Variants in RORB observed in about 807,000 individuals in gnomAD.
RORB encodes the protein RAR related orphan receptor B, also known as nuclear receptor ROR-beta.
RORB carries 6 observed loss-of-function variants against 59.1 expected under a neutral mutation model. That is an observed-to-expected ratio of 0.10 (90% CI 0.06 to 0.20). The LOEUF (loss-of-function observed/expected upper bound fraction) is 0.20, where lower values mean the gene tolerates loss of function less well. Among genes scored for constraint, RORB ranks in the 10% least tolerant of loss-of-function variants. The pLI, the probability that RORB is intolerant of heterozygous loss-of-function variation, is 1.00. For missense variants in RORB, 320 were observed against 560.5 expected (o/e 0.57, Z 4.33); for synonymous variants, 215 against 204.5 (o/e 1.05, Z -0.44).
In RORB at chr9:74,692,423, A is replaced by G. The variant is rs1398704863; in HGVS notation, c.*6805A>G. On this transcript the variant is annotated 3_prime_UTR_variant, in exon 10 of 10. Coordinates refer to ENST00000376896, the MANE Select transcript of RORB (RefSeq NM_006914.4). Reference sequence around the variant, plus strand: ...TAGGATTGAGAGAAATGATTTTCATATACTTCCAACATTCAGAGATTTAAT... The same window carrying G: ...TAGGATTGAGAGAAATGATTTTCATGTACTTCCAACATTCAGAGATTTAAT... 1 of 152,228 alleles carries G rather than the reference A, an allele frequency of 6.6e-6. No homozygotes were observed. Among genetic ancestry groups the G allele is most frequent in the Non-Finnish European group, 1.5e-5 (1 of 68,044 alleles). The allele number at this position is 152,228 out of a possible 1,614,324, so 9.4% of individuals were successfully genotyped here. A position where few individuals can be genotyped will look rare whatever the true frequency, so the allele number is the denominator to read the frequency against.
chr9:74,630,156 C>T (rs1380888156), intron 1 of RORB, 126 bp from the exon 2 acceptor site: 1 of 1,269,094 alleles, frequency 7.9e-7, no homozygotes, highest in East Asian at 2.6e-5. Flanking sequence ...ACTCCCACAC[C>T]ACCGCTCACA....
chr9:74,617,648 G>T lies in RORB; in HGVS notation c.8-12634G>T, dbSNP rs573490708. On this transcript the variant is annotated intron_variant, in intron 1 of 9. Transcript: ENST00000376896. The stretch of plus-strand genomic sequence containing the variant: ...GCTATTCACTAATTCTACATTTGTT[G>T]GGTGACTAAGCCTCCACCTCAGTCC... Among the ~76,000 whole-genome samples the T allele has an allele frequency of 4.5e-4, 69 of 152,256 alleles. 1 individual carries two copies. The highest frequency in any genetic ancestry group is 3.5e-3 in the South Asian group (17 of 4,820).
chr9:74,528,717 T>C (rs2118090546), intron 1 of RORB, among the ~76,000 whole-genome samples: 1 of 152,162 alleles, frequency 6.6e-6, no homozygotes, highest in South Asian at 2.1e-4. Context: ...GCACTAGCTT[T>C]TATTGAAGAG....
intron 1 of RORB, among the ~76,000 whole-genome samples, chr9:74,589,952 T>C (rs1022055672): frequency 2.6e-5 from 4 of 152,258 alleles, no homozygotes; most frequent in Non-Finnish European, 5.9e-5. Flanking sequence ...GGTGTCAGAC[T>C]ACTTAAAATC....
chr9:74,672,122 C>A (rs1281080030), intron 9 of RORB, among the ~76,000 whole-genome samples: 1 of 152,166 alleles, frequency 6.6e-6, no homozygotes, highest in African/African-American at 2.4e-5. Context: ...AGATCTGAAT[C>A]CAAGCTTCAG....
intron 1 of RORB, among the ~76,000 whole-genome samples, chr9:74,620,691 A>G (rs1823400075): frequency 6.6e-6 from 1 of 152,218 alleles, no homozygotes; most frequent in South Asian, 2.1e-4. Context: ...TTAGTGCTAT[A>G]AATTTCCCTC....
intron 1 of RORB, among the ~76,000 whole-genome samples, chr9:74,535,742 GA>G (rs1826313135): frequency 6.6e-6 from 1 of 151,834 alleles, no homozygotes; most frequent in Admixed American, 6.6e-5. Context: ...TCCAAATTCA[GA>G]AAAAAATTGG....
intron 9 of RORB, among the ~76,000 whole-genome samples, chr9:74,673,654 A>C (rs1824385985): frequency 6.6e-6 from 1 of 152,214 alleles, no homozygotes; most frequent in Non-Finnish European, 1.5e-5. Flanking sequence ...AGATATTTGA[A>C]GGCAAGAAAG....
intron 2 of RORB, among the ~76,000 whole-genome samples, chr9:74,630,979 A>T (rs1386006148): frequency 6.6e-6 from 1 of 152,150 alleles, no homozygotes; most frequent in East Asian, 1.9e-4. Context: ...ATGTCATCTG[A>T]TCAACATCAT....
At chr9:74,587,225 A>T (rs901022490) in intron 1 of RORB, among the ~76,000 whole-genome samples, 2 of 152,204 alleles carry the variant, frequency 1.3e-5, no homozygotes, top group African/African-American at 4.8e-5. Flanking sequence ...TATTGCTCCC[A>T]TCAGATAAGA....
chr9:74,569,392 G>T (rs1394695457), intron 1 of RORB, among the ~76,000 whole-genome samples: 1 of 151,972 alleles, frequency 6.6e-6, no homozygotes, highest in Non-Finnish European at 1.5e-5. Context: ...GTAGCCATAG[G>T]CAGGTTTATT....
intron 9 of RORB, among the ~76,000 whole-genome samples, chr9:74,681,505 C>T (rs1306039498): frequency 6.6e-6 from 1 of 152,196 alleles, no homozygotes; most frequent in African/African-American, 2.4e-5. Context: ...GTGCTGTTTG[C>T]TGAAGCGATC....
At chr9:74,550,834 G>A (rs762757611) in intron 1 of RORB, among the ~76,000 whole-genome samples, 12 of 152,186 alleles carry the variant, frequency 7.9e-5, no homozygotes, top group Non-Finnish European at 1.6e-4. Flanking sequence ...CTGTTGAGCA[G>A]TTGAAATGTG....
chr9:74,623,189 G>A (rs1823452827), intron 1 of RORB, among the ~76,000 whole-genome samples: 1 of 152,148 alleles, frequency 6.6e-6, no homozygotes, highest in Non-Finnish European at 1.5e-5. Flanking sequence ...TTTCAAGAAA[G>A]CCTTTGTCAG....
chr9:74,552,330 T>C (rs937392717), intron 1 of RORB, among the ~76,000 whole-genome samples: 5 of 152,146 alleles, frequency 3.3e-5, no homozygotes, highest in African/African-American at 1.2e-4. Context: ...AACATAATGA[T>C]TAAGAACACA....
chr9:74,547,434 GGAGATA>G (rs1826516512), intron 1 of RORB, among the ~76,000 whole-genome samples: 1 of 152,184 alleles, frequency 6.6e-6, no homozygotes, highest in Non-Finnish European at 1.5e-5. Context: ...CAATATTGAA[GGAGATA>G]GAGTTAGGAT....
intron 1 of RORB, among the ~76,000 whole-genome samples, chr9:74,622,153 C>T (rs1377092290): frequency 6.6e-6 from 1 of 152,024 alleles, no homozygotes; most frequent in East Asian, 1.9e-4. Flanking sequence ...TTGTGGTGTG[C>T]CCCATCCCTG....
chr9:74,634,836 T>G, intron 3 of RORB, 64 bp downstream of exon 3: 1 of 1,450,550 alleles, frequency 6.9e-7, no homozygotes, highest in African/African-American at 1.4e-5. Flanking sequence ...CTGGAGTCTA[T>G]TTAAGCTGCT....
intron 1 of RORB, among the ~76,000 whole-genome samples, chr9:74,573,346 T>C (rs978726633): frequency 6.6e-6 from 1 of 152,010 alleles, no homozygotes; most frequent in African/African-American, 2.4e-5. Context: ...CCATTCAATT[T>C]TGGCTCCACT....
Sources: allele counts gnomAD v4.1 joint callset (sites outside exome capture counted in the v4.1 genomes callset), GRCh38; gene constraint gnomAD v4.1.1; transcripts MANE v1.5; gene names NCBI Gene and HGNC (gene_info 2026-07-23, HGNC 2026-07-21).